TRIM5: variants seen among roughly 807,000 people sequenced by gnomAD.
The protein encoded by TRIM5 is tripartite motif-containing protein 5.
TRIM5 carries 31 observed loss-of-function variants against 35.6 expected under a neutral mutation model. The ratio of observed to expected loss-of-function variants is 0.87; its 90% CI spans 0.65 to 1.18. TRIM5 has a LOEUF of 1.18. TRIM5 is among the 50% of genes most tolerant of loss of function. The pLI is 0.00. For synonymous variants in TRIM5, 243 were observed against 215.6 expected (o/e 1.13, Z -1.11); for missense variants, 609 against 591.6 (o/e 1.03, Z -0.31).
At chr11:5,655,566 G>A in the TRIM5 span, 1 of 870,282 alleles carries the variant, frequency 1.1e-6, no homozygotes, top group East Asian at 1.2e-4. Context: ...ATTTCAGTAA[G>A]AAACATTCAT....
intron 6 of TRIM5, 30 bp from the exon 7 acceptor site, chr11:5,665,712 T>C (rs1277538411): frequency 1.3e-6 from 2 of 1,490,372 alleles, no homozygotes; most frequent in African/African-American, 2.8e-5. Flanking sequence ...CAATATTGAA[T>C]ACAAACAAAG....
chr11:5,642,327 A>C, the TRIM5 span: 1 of 1,294,390 alleles, frequency 7.7e-7, no homozygotes, highest in Non-Finnish European at 1.1e-6. Context: ...AGTGATGTGA[A>C]GGAGATGAAA....
At chr11:5,618,395 T>C in the TRIM5 span, among the ~76,000 whole-genome samples, 4 of 151,710 alleles carry the variant, frequency 2.6e-5, no homozygotes, top group Admixed American at 6.6e-5. Context: ...AACAAACAAA[T>C]AGTCAAAGTA....
At chr11:5,647,670 A>G in the TRIM5 span, among the ~76,000 whole-genome samples, 19 of 152,146 alleles carry the variant, frequency 1.2e-4, no homozygotes, top group Non-Finnish European at 2.6e-4. Flanking sequence ...CTACAGGCAC[A>G]CGCCACCATG....
the TRIM5 span, among the ~76,000 whole-genome samples, chr11:5,627,710 G>C: frequency 6.6e-6 from 1 of 152,128 alleles, no homozygotes; most frequent in Non-Finnish European, 1.5e-5. Context: ...CAGAGGAATG[G>C]GGAGGAGATG....
the TRIM5 span, among the ~76,000 whole-genome samples, chr11:5,615,917 C>T: frequency 0.17 from 24,440 of 143,216 alleles, 2,044 homozygotes; most frequent in East Asian, 0.31. Context: ...TTATTGTTTT[C>T]ATAACATATC....
At chr11:5,599,534 G>C in the TRIM5 span, among the ~76,000 whole-genome samples, 13 of 152,202 alleles carry the variant, frequency 8.5e-5, no homozygotes, top group African/African-American at 3.1e-4. Context: ...CTCCCGAGTA[G>C]CTGGGACTAC....
At chr11:5,642,207 C>T in the TRIM5 span, among the ~76,000 whole-genome samples, 1 of 152,170 alleles carries the variant, frequency 6.6e-6, no homozygotes, top group African/African-American at 2.4e-5. Context: ...TTCTCAAGGT[C>T]ACCCAGAGGA....
At chr11:5,597,136 A>G in the TRIM5 span, among the ~76,000 whole-genome samples, 1 of 152,218 alleles carries the variant, frequency 6.6e-6, no homozygotes, top group African/African-American at 2.4e-5. Flanking sequence ...GCCAGACTGC[A>G]TGTGTTCAAA....
the TRIM5 span, chr11:5,642,609 G>A: frequency 6.9e-7 from 1 of 1,446,920 alleles, no homozygotes. Flanking sequence ...AAGAGAGGAG[G>A]GAGGTCAGAG....
chr11:5,667,789 G>T, intron 4 of TRIM5, 78 bp from the exon 5 acceptor site: 1 of 1,500,680 alleles, frequency 6.7e-7, no homozygotes, highest in Non-Finnish European at 9.2e-7. Context: ...CATTTCCCCC[G>T]GTTCCTAATG....
At chr11:5,598,309 C>T in the TRIM5 span, among the ~76,000 whole-genome samples, 1 of 152,190 alleles carries the variant, frequency 6.6e-6, no homozygotes, top group Non-Finnish European at 1.5e-5. Flanking sequence ...TCCCCTCCTT[C>T]ACAATTTCTT....
At chr11:5,619,946 C>G in the TRIM5 span, 6 of 150,976 alleles carry the variant, frequency 4.0e-5, no homozygotes, top group Non-Finnish European at 7.4e-5. Context: ...GTGATCCACC[C>G]GCCTCAGCCT....
Position 5,664,920 on chromosome 11 carries a change from A to G in TRIM5, c.1371T>C (p.His457=). Residue 457 remains histidine, a synonymous_variant, in exon 8 of 8, where the codon CAT becomes CAC. Coordinates refer to ENST00000380034, the MANE Select transcript of TRIM5 (RefSeq NM_033034.3). ...CTVSFFNITN[H]GFLIYKFSHC... is the part of the protein sequence containing the mutation. Reference sequence around the variant, plus strand: ...GAGAAAACTTATAGATGAGAAATCCATGGTTTGTGATATTGAAGAATGAGA... The same window carrying G: ...GAGAAAACTTATAGATGAGAAATCCGTGGTTTGTGATATTGAAGAATGAGA... The G allele has an allele frequency of 1.2e-6, 2 of 1,614,126 alleles. No homozygotes were observed. Among genetic ancestry groups the G allele is most frequent in the Non-Finnish European group, 8.5e-7 (1 of 1,180,034 alleles).
At chr11:5,661,154 A>C (rs2134001679), downstream of TRIM5, among the ~76,000 whole-genome samples, 1 of 150,418 alleles carries the variant, frequency 6.6e-6, no homozygotes, top group Non-Finnish European at 1.5e-5. Flanking sequence ...ACTGAATAGG[A>C]TCAAGGAGCT....
At chr11:5,607,286 A>G in the TRIM5 span, among the ~76,000 whole-genome samples, 1 of 152,228 alleles carries the variant, frequency 6.6e-6, no homozygotes, top group Admixed American at 6.5e-5. Flanking sequence ...GCCACATGAA[A>G]TAGCACATCG....
chr11:5,668,745 C>A (rs12808061), intron 4 of TRIM5, among the ~76,000 whole-genome samples: 23,730 of 152,118 alleles, frequency 0.16, 2,593 homozygotes, highest in African/African-American at 0.31. Flanking sequence ...CCACGACACC[C>A]GGCCTACGTA....
chr11:5,656,895 T>C, the TRIM5 span, among the ~76,000 whole-genome samples: 6 of 152,184 alleles, frequency 3.9e-5, no homozygotes, highest in Non-Finnish European at 5.9e-5. Flanking sequence ...TTGTGGAAGA[T>C]AGTGTGGCGA....
chr11:5,678,925 C>T, intron 3 of TRIM5, 149 bp downstream of exon 3: 1 of 675,464 alleles, frequency 1.5e-6, no homozygotes, highest in Non-Finnish European at 2.6e-6. Flanking sequence ...CACTCCTCAG[C>T]CACCACACCC....
Sources: allele counts gnomAD v4.1 joint callset (sites outside exome capture counted in the v4.1 genomes callset), GRCh38; gene constraint gnomAD v4.1.1; transcripts MANE v1.5; gene names NCBI Gene and HGNC (gene_info 2026-07-23, HGNC 2026-07-21).